Variants in KCNT2 observed in about 807,000 individuals in gnomAD.
KCNT2 encodes the protein potassium sodium-activated channel subfamily T member 2, also known as potassium channel subfamily T member 2.
In KCNT2, 67 loss-of-function variants were observed where a neutral mutation model predicts 153.8. The ratio of observed to expected loss-of-function variants is 0.44; its 90% confidence interval spans 0.36 to 0.53. The LOEUF (loss-of-function observed/expected upper bound fraction) is 0.53. Among genes scored for constraint, KCNT2 ranks in the 20% least tolerant of loss-of-function variants. The probability of loss-of-function intolerance (pLI) is 0.00; values close to 1 mark genes in which losing one functional copy is unlikely to be tolerated. For missense variants in KCNT2, 975 were observed against 1,354.8 expected, an observed-to-expected ratio of 0.72 and a Z score of 4.40; for synonymous variants, 500 against 458.8, an observed-to-expected ratio of 1.09 and a Z score of -1.15.
chr1:196,317,758 T>G (rs1471846952), intron 20 of KCNT2, among the ~76,000 whole-genome samples: 1 of 151,680 alleles, frequency 6.6e-6, no homozygotes, highest in Non-Finnish European at 1.5e-5. Context: ...AACTTCACTT[T>G]GAGAGTACCT....
At chr1:196,297,187 C>G (rs1034090098) in intron 22 of KCNT2, among the ~76,000 whole-genome samples, 1 of 151,444 alleles carries the variant, frequency 6.6e-6, no homozygotes, top group African/African-American at 2.4e-5. Flanking sequence ...TGTTGGACTT[C>G]CTAAGAATAA....
intron 1 of KCNT2, among the ~76,000 whole-genome samples, chr1:196,592,360 G>A: frequency 6.6e-6 from 1 of 151,288 alleles, no homozygotes; most frequent in East Asian, 1.9e-4. Context: ...TGGGAGGATA[G>A]TGTGGGGGTG....
intron 8 of KCNT2, among the ~76,000 whole-genome samples, chr1:196,464,114 A>G (rs1677397037): frequency 6.6e-6 from 1 of 151,860 alleles, no homozygotes; most frequent in South Asian, 2.1e-4. Context: ...TTAGATGAGA[A>G]AACACTCCTA....
At chr1:196,283,189 A>C (rs1246680550) in intron 23 of KCNT2, among the ~76,000 whole-genome samples, 2 of 152,182 alleles carry the variant, frequency 1.3e-5, no homozygotes, top group Non-Finnish European at 2.9e-5. Context: ...CATGCCTGTA[A>C]TCCCAGCACT....
intron 1 of KCNT2, among the ~76,000 whole-genome samples, chr1:196,517,032 A>T (rs1004197681): frequency 4.6e-5 from 7 of 152,050 alleles, no homozygotes; most frequent in South Asian, 4.1e-4. Context: ...CCTGGGAGAG[A>T]GCTCCCAATG....
intron 1 of KCNT2, among the ~76,000 whole-genome samples, chr1:196,569,616 A>C (rs1391713363): frequency 6.6e-6 from 1 of 152,160 alleles, no homozygotes; most frequent in African/African-American, 2.4e-5. Context: ...TTACTGCTAT[A>C]GCTATTTATG....
Position 196,280,948 on chromosome 1 carries a change from G to C in KCNT2, c.2822C>G (p.Ala941Gly). 1 of 1,610,708 alleles carries C rather than the reference G, an allele frequency of 6.2e-7. No homozygotes were observed. Among genetic ancestry groups the C allele is most frequent in the Non-Finnish European group, 8.5e-7 (1 of 1,177,004 alleles). The stretch of plus-strand genomic sequence containing the variant: ...AGAACACAACTTCTGATAAAGTCTG[G>C]CATAAGTTCTGATCCATAAGTCATC... ...TADDLWIRTYARLYQKLCSST... is the reference protein window; with the variant it reads ...TADDLWIRTYGRLYQKLCSST... Residue 941 changes from alanine to glycine, a missense_variant, in exon 25 of 28, where the codon GCC (alanine) becomes GGC (glycine). Around this residue, in one of 6 missense-constraint regions of KCNT2, gnomAD observed 241 missense variants for 271.1 expected, o/e 0.89. Coordinates refer to ENST00000294725, the MANE Select transcript of KCNT2 (RefSeq NM_198503.5).
chr1:196,341,904 A>G (rs904408208), intron 15 of KCNT2, among the ~76,000 whole-genome samples, 175 bp downstream of exon 15: 6 of 152,158 alleles, frequency 3.9e-5, no homozygotes, highest in African/African-American at 1.2e-4. Flanking sequence ...TGACTGTCTT[A>G]TAGAGACCAT....
intron 12 of KCNT2, among the ~76,000 whole-genome samples, chr1:196,412,004 C>T (rs1288074599): frequency 6.6e-6 from 1 of 151,626 alleles, no homozygotes; most frequent in Non-Finnish European, 1.5e-5. Flanking sequence ...CATGTTGAAC[C>T]ATTTTTGCAT....
intron 1 of KCNT2, among the ~76,000 whole-genome samples, chr1:196,558,475 C>T (rs1489400994): frequency 1.3e-5 from 2 of 150,542 alleles, no homozygotes; most frequent in African/African-American, 2.4e-5. Context: ...TGGCTTGCAG[C>T]ATTTGCAGGA....
chr1:196,467,588 G>C (rs1677733893), intron 7 of KCNT2, 115 bp downstream of exon 7: 1 of 537,784 alleles, frequency 1.9e-6, no homozygotes, highest in African/African-American at 1.9e-5. Flanking sequence ...GGAGAATGCA[G>C]AATTAGAAAG....
intron 18 of KCNT2, among the ~76,000 whole-genome samples, chr1:196,327,241 A>C (rs184605574): frequency 6.6e-6 from 1 of 152,194 alleles, no homozygotes; most frequent in Non-Finnish European, 1.5e-5. Context: ...AAATATAGTA[A>C]TATCATAATT....
At chr1:196,272,374 C>A (rs72732226) in intron 25 of KCNT2, among the ~76,000 whole-genome samples, 5,771 of 151,864 alleles carry the variant, frequency 0.038, 201 homozygotes, top group Admixed American at 0.091. Flanking sequence ...ATTAAATCCA[C>A]CAAAATTAAT....
intron 1 of KCNT2, among the ~76,000 whole-genome samples, chr1:196,595,532 GATAT>G (rs960012065): frequency 1.3e-5 from 2 of 152,044 alleles, no homozygotes; most frequent in Non-Finnish European, 2.9e-5. Context: ...TCAAGTCTCT[GATAT>G]AAATGACATA....
chr1:196,307,779 T>C (rs1251299448), intron 21 of KCNT2, among the ~76,000 whole-genome samples: 1 of 152,022 alleles, frequency 6.6e-6, no homozygotes, highest in Non-Finnish European at 1.5e-5. Flanking sequence ...ATAAAAGTTA[T>C]TTTCTCAAAA....
intron 10 of KCNT2, among the ~76,000 whole-genome samples, chr1:196,427,584 GT>G (rs1673764597): frequency 2.0e-5 from 3 of 151,956 alleles, no homozygotes; most frequent in African/African-American, 7.2e-5. Context: ...AATTCAGCTA[GT>G]TATTGTCCAA....
At chr1:196,393,134 A>C (rs530804601) in intron 13 of KCNT2, among the ~76,000 whole-genome samples, 1 of 151,612 alleles carries the variant, frequency 6.6e-6, no homozygotes, top group African/African-American at 2.4e-5. Context: ...GGACTAAAAA[A>C]GAAGCATGGA....
At chr1:196,437,590 A>G (rs1032096616) in intron 8 of KCNT2, among the ~76,000 whole-genome samples, 3 of 150,284 alleles carry the variant, frequency 2.0e-5, no homozygotes, top group African/African-American at 7.3e-5. Flanking sequence ...GTTAATACAT[A>G]TCAAAGTTAC....
intron 1 of KCNT2, among the ~76,000 whole-genome samples, chr1:196,601,608 T>A (rs1664730545): frequency 6.6e-6 from 1 of 152,208 alleles, no homozygotes; most frequent in South Asian, 2.1e-4. Context: ...AGATGTTATT[T>A]AGCAAAAACA....
Sources: allele counts gnomAD v4.1 joint callset (sites outside exome capture counted in the v4.1 genomes callset), GRCh38; gene constraint gnomAD v4.1.1; regional missense constraint gnomAD v4.1.1; transcripts MANE v1.5; gene names NCBI Gene and HGNC (gene_info 2026-07-23, HGNC 2026-07-21).